Variants in ATP8B4 observed in about 807,000 individuals in gnomAD.
The protein encoded by ATP8B4 is ATPase phospholipid transporting 8B4 (putative).
A neutral mutation model predicts 145.6 loss-of-function variants in ATP8B4; 133 were observed. The ratio of observed to expected loss-of-function variants is 0.91; its 90% CI spans 0.79 to 1.05. The LOEUF (loss-of-function observed/expected upper bound fraction) is 1.05, where lower values mean the gene tolerates loss of function less well. Among genes scored for constraint, ATP8B4 ranks in the 50% least tolerant of loss-of-function variants. The probability of loss-of-function intolerance (pLI) is 0.00; values close to 1 mark genes in which losing one functional copy is unlikely to be tolerated. For missense variants in ATP8B4, 1,458 were observed against 1,425.2 expected (o/e 1.02, Z -0.37); for synonymous variants, 507 against 492.9 (o/e 1.03, Z -0.38).
chr15:49,902,751 T>A (rs1207640218), intron 20 of ATP8B4, among the ~76,000 whole-genome samples: 1 of 152,198 alleles, frequency 6.6e-6, no homozygotes, highest in Non-Finnish European at 1.5e-5. Context: ...CATGAAAATG[T>A]ACAGTGCCAA....
At chr15:50,084,425 G>T (rs1267397726) in intron 2 of ATP8B4, among the ~76,000 whole-genome samples, 2 of 152,130 alleles carry the variant, frequency 1.3e-5, no homozygotes, top group East Asian at 3.9e-4. Flanking sequence ...GGCCTCCTCT[G>T]CACACACCCT....
chr15:50,012,528 T>A (rs1049189125), intron 6 of ATP8B4, among the ~76,000 whole-genome samples: 5 of 152,158 alleles, frequency 3.3e-5, no homozygotes, highest in African/African-American at 1.2e-4. Flanking sequence ...AACTACTTCA[T>A]CAATAACCTT....
At chr15:50,007,289 T>C (rs1400195093) in intron 7 of ATP8B4, among the ~76,000 whole-genome samples, 1 of 152,190 alleles carries the variant, frequency 6.6e-6, no homozygotes, top group African/African-American at 2.4e-5. Flanking sequence ...TTCTGATCAC[T>C]TGGCTTCCAG....
chr15:50,138,631 A>G (rs1370999413), intron 1 of ATP8B4, among the ~76,000 whole-genome samples: 7 of 152,222 alleles, frequency 4.6e-5, no homozygotes, highest in African/African-American at 1.7e-4. Flanking sequence ...CCAAGGATGA[A>G]CTATTATCTA....
At chr15:49,862,505 G>T (rs1015628805) in intron 26 of ATP8B4, 130 bp from the exon 27 acceptor site, 1 of 1,054,978 alleles carries the variant, frequency 9.5e-7, no homozygotes. Context: ...CCAGGCTGGT[G>T]GAATGCAGTG....
intron 11 of ATP8B4, 40 bp downstream of exon 11, chr15:49,981,166 A>T (rs752059696): frequency 4.2e-6 from 6 of 1,423,284 alleles, no homozygotes; most frequent in East Asian, 2.3e-5. Flanking sequence ...ATGTACTAAG[A>T]TAACAATGAC....
chr15:50,128,489 T>C (rs572463807), intron 1 of ATP8B4, among the ~76,000 whole-genome samples: 1 of 152,138 alleles, frequency 6.6e-6, no homozygotes, highest in Non-Finnish European at 1.5e-5. Flanking sequence ...GATCTGCTTG[T>C]GCAAAGAGAA....
At chr15:49,946,010 C>T (rs2153482374) in intron 14 of ATP8B4, among the ~76,000 whole-genome samples, 1 of 151,644 alleles carries the variant, frequency 6.6e-6, no homozygotes, top group Admixed American at 6.6e-5. Context: ...TGCAGTTAGA[C>T]AAGAAAAAGA....
chr15:50,159,698 T>C (rs75286350), intron 1 of ATP8B4, among the ~76,000 whole-genome samples: 5,617 of 152,272 alleles, frequency 0.037, 150 homozygotes, highest in African/African-American at 0.075. Flanking sequence ...TGTTGAATTT[T>C]CTCAAATGCT....
At chr15:49,903,950 T>G (rs968542212) in intron 20 of ATP8B4, among the ~76,000 whole-genome samples, 3 of 152,116 alleles carry the variant, frequency 2.0e-5, no homozygotes, top group Admixed American at 6.5e-5. Flanking sequence ...ACATCCTGTT[T>G]AAAAGAAGAA....
At chr15:49,981,152 G>T in intron 11 of ATP8B4, 54 bp downstream of exon 11, 6 of 1,377,988 alleles carry the variant, frequency 4.4e-6, no homozygotes, top group Non-Finnish European at 6.1e-6. Flanking sequence ...GCAAGATTCA[G>T]TAAATGTACT....
intron 7 of ATP8B4, among the ~76,000 whole-genome samples, chr15:50,008,842 C>T (rs1198562272): frequency 2.0e-5 from 3 of 152,134 alleles, no homozygotes; most frequent in African/African-American, 7.2e-5. Flanking sequence ...TGTTAGAGCA[C>T]GTTCATGGGG....
At chr15:50,037,905 T>C (rs1384808325) in intron 6 of ATP8B4, among the ~76,000 whole-genome samples, 1 of 152,258 alleles carries the variant, frequency 6.6e-6, no homozygotes, top group Non-Finnish European at 1.5e-5. Context: ...AATATCACCA[T>C]GTATTGCCTA....
chr15:50,025,113 A>G (rs1012855068), intron 6 of ATP8B4, among the ~76,000 whole-genome samples: 1 of 152,222 alleles, frequency 6.6e-6, no homozygotes, highest in Non-Finnish European at 1.5e-5. Context: ...TTGCGTATCA[A>G]CTGCATGGGA....
chr15:49,882,762 C>T (rs2035618879), intron 23 of ATP8B4, among the ~76,000 whole-genome samples: 1 of 152,096 alleles, frequency 6.6e-6, no homozygotes, highest in African/African-American at 2.4e-5. Context: ...GGGTAATGGT[C>T]ACCTCTAGAG....
chr15:50,131,796 C>A (rs1430997588), intron 1 of ATP8B4, among the ~76,000 whole-genome samples: 1 of 147,960 alleles, frequency 6.8e-6, no homozygotes, highest in East Asian at 1.9e-4. Context: ...TATTTTAATA[C>A]TAAAATACTA....
At chr15:50,086,566 AT>A (rs1246196789) in intron 2 of ATP8B4, among the ~76,000 whole-genome samples, 2 of 105,804 alleles carry the variant, frequency 1.9e-5, no homozygotes, top group African/African-American at 4.6e-5. Context: ...AGAGATCTAT[AT>A]TTATTATATA....
chr15:49,995,243 G>A (rs1181332788), intron 9 of ATP8B4, among the ~76,000 whole-genome samples: 3 of 152,096 alleles, frequency 2.0e-5, no homozygotes, highest in Non-Finnish European at 2.9e-5. Context: ...AGGTATAAAG[G>A]TAAATTCTGC....
At chr15:49,987,950 A>T (rs2046759460) in intron 9 of ATP8B4, among the ~76,000 whole-genome samples, 1 of 152,218 alleles carries the variant, frequency 6.6e-6, no homozygotes, top group South Asian at 2.1e-4. Context: ...TACACAGTTT[A>T]AAATAGCATA....
Sources: allele counts gnomAD v4.1 joint callset (sites outside exome capture counted in the v4.1 genomes callset), GRCh38; gene constraint gnomAD v4.1.1; transcripts MANE v1.5; gene names NCBI Gene and HGNC (gene_info 2026-07-23, HGNC 2026-07-21).